Variants in DENND4C observed in about 807,000 individuals in gnomAD.
DENND4C encodes DENN domain-containing protein 4C.
Under a neutral mutation model 203.0 loss-of-function variants are expected in DENND4C, and 108 were observed. The observed-to-expected ratio is 0.53, with a 90% CI of 0.46 to 0.62. The LOEUF is 0.62. Ranked by LOEUF, DENND4C falls within the 20% of genes least tolerant of loss-of-function variation. The pLI is 0.00. For missense variants in DENND4C, 2,481 were observed against 2,301.2 expected (o/e 1.08, Z -1.60); for synonymous variants, 871 against 792.4 (o/e 1.10, Z -1.67).
chr9:19,258,245 T>C (rs533820273), intron 1 of DENND4C, among the ~76,000 whole-genome samples: 2 of 152,328 alleles, frequency 1.3e-5, no homozygotes, highest in Admixed American at 6.5e-5. Context: ...TCCAGACTCA[T>C]GTAATTTCAC....
chr9:19,303,766 G>A (rs1306634165), intron 9 of DENND4C, among the ~76,000 whole-genome samples: 1 of 152,126 alleles, frequency 6.6e-6, no homozygotes, highest in Non-Finnish European at 1.5e-5. Context: ...GGTGATAATT[G>A]AACTAGACCT....
At chr9:19,310,694 T>C (rs1319692115) in intron 10 of DENND4C, among the ~76,000 whole-genome samples, 1 of 152,250 alleles carries the variant, frequency 6.6e-6, no homozygotes, top group Non-Finnish European at 1.5e-5. Context: ...TTTTGTGATC[T>C]TCTTATAGTT....
chr9:19,345,001 G>C (rs772567963), intron 22 of DENND4C, among the ~76,000 whole-genome samples: 1 of 152,056 alleles, frequency 6.6e-6, no homozygotes, highest in Admixed American at 6.6e-5. Context: ...CCATTCATCA[G>C]GGTTCCACTT....
intron 4 of DENND4C, 89 bp downstream of exon 4, chr9:19,288,754 C>A: frequency 1.6e-6 from 1 of 632,042 alleles, no homozygotes; most frequent in Non-Finnish European, 2.3e-6. Flanking sequence ...TGCTCCCTTA[C>A]ATAGTTTGTA....
rs553054422 is a variant in DENND4C, at chr9:19,287,648, G to GT, written c.558+632dup. 7.7e-3 allele frequency among the ~76,000 whole-genome samples: 1,174 copies of GT among 151,954 alleles called. 7 individuals are homozygous for GT. The highest frequency in any genetic ancestry group is 0.014 in the Non-Finnish European group (960 of 67,950). ...AGGCGTGAGCCACCATGCCCGGCCTGTTTTTGTTTTTGAGACAGGGTCTCC... is the reference window on the plus strand; with the variant it reads ...AGGCGTGAGCCACCATGCCCGGCCTGTTTTTTGTTTTTGAGACAGGGTCTCC... On this transcript the variant is annotated intron_variant, in intron 3 of 32. Transcript: ENST00000434457.
intron 12 of DENND4C, among the ~76,000 whole-genome samples, chr9:19,321,781 G>A (rs1419573620): frequency 4.1e-5 from 6 of 147,498 alleles, no homozygotes; most frequent in Admixed American, 6.9e-5. Flanking sequence ...GTAGTGAGCC[G>A]AGATCACGCC....
intron 1 of DENND4C, among the ~76,000 whole-genome samples, chr9:19,265,964 T>G (rs1588784001): frequency 6.6e-6 from 1 of 152,342 alleles, no homozygotes; most frequent in Admixed American, 6.5e-5. Flanking sequence ...CCTTTGGGTA[T>G]ATACCCAGTA....
chr9:19,354,523 G>A (rs1208146826), intron 26 of DENND4C, among the ~76,000 whole-genome samples: 3 of 142,796 alleles, frequency 2.1e-5, no homozygotes, highest in Non-Finnish European at 4.6e-5. Context: ...AAATTTGAGT[G>A]TCTCTTCATT....
intron 10 of DENND4C, among the ~76,000 whole-genome samples, chr9:19,315,605 A>G (rs1416410735): frequency 1.3e-5 from 2 of 151,096 alleles, no homozygotes; most frequent in East Asian, 1.9e-4. Flanking sequence ...GTGTGTATAT[A>G]TATACACACA....
At position 19,290,764 on chromosome 9, in the gene DENND4C, T is replaced by C; in HGVS notation, c.689T>C (p.Val230Ala). 6.2e-7 allele frequency: 1 copy of C among 1,602,192 alleles called. No homozygotes were observed. Among genetic ancestry groups the C allele is most frequent in the Non-Finnish European group, 8.5e-7 (1 of 1,173,662 alleles). Residue 230 changes from valine to alanine, a missense_variant, in exon 5 of 33, where the codon GTA becomes GCA. Around this residue, in one of 3 missense-constraint regions of DENND4C, gnomAD observed 2,289 missense variants for 2,113.3 expected, o/e 1.08. Transcript: ENST00000434457. Reference sequence around the variant, plus strand: ...TCATTTCCACTCTCAGAATCAGATGTACCTCTTTTCTGCCTTCCTATGGGA... The same window carrying C: ...TCATTTCCACTCTCAGAATCAGATGCACCTCTTTTCTGCCTTCCTATGGGA... ...YESFPLSESD[V>A]PLFCLPMGAT...
At chr9:19,238,840 A>G (rs1011228389) in intron 1 of DENND4C, among the ~76,000 whole-genome samples, 1 of 149,268 alleles carries the variant, frequency 6.7e-6, no homozygotes, top group Non-Finnish European at 1.5e-5. Flanking sequence ...TTTAGTGGAG[A>G]TGGGGTTTCA....
At chr9:19,269,481 T>C (rs1344254932) in intron 1 of DENND4C, among the ~76,000 whole-genome samples, 2 of 152,184 alleles carry the variant, frequency 1.3e-5, no homozygotes, top group African/African-American at 2.4e-5. Context: ...TTTCAAATAG[T>C]GTGTCTTCAA....
At chr9:19,304,189 A>ATT (rs34462752) in intron 9 of DENND4C, among the ~76,000 whole-genome samples, 33,378 of 142,212 alleles carry the variant, frequency 0.23, 4,075 homozygotes, top group East Asian at 0.4. Flanking sequence ...TTTTATATTG[A>ATT]TTTTTTTTTT....
At chr9:19,363,758 C>A (rs1466016411) in intron 30 of DENND4C, among the ~76,000 whole-genome samples, 1 of 152,022 alleles carries the variant, frequency 6.6e-6, no homozygotes, top group Non-Finnish European at 1.5e-5. Context: ...TGCCTGTAAT[C>A]CCAGCACTTT....
At chr9:19,292,774 G>A (rs1478756074) in intron 5 of DENND4C, among the ~76,000 whole-genome samples, 2 of 152,056 alleles carry the variant, frequency 1.3e-5, no homozygotes, top group Non-Finnish European at 2.9e-5. Flanking sequence ...TCGAACTCCT[G>A]ACCTCAGGTG....
At chr9:19,293,797 C>T (rs1380065167) in intron 5 of DENND4C, among the ~76,000 whole-genome samples, 1 of 152,156 alleles carries the variant, frequency 6.6e-6, no homozygotes, top group African/African-American at 2.4e-5. Context: ...GGCATTTTAC[C>T]TGTAATGGGG....
chr9:19,333,052 G>A (rs148733456), intron 17 of DENND4C, among the ~76,000 whole-genome samples: 35 of 150,694 alleles, frequency 2.3e-4, no homozygotes, highest in African/African-American at 7.0e-4. Flanking sequence ...ATATATACTC[G>A]TGCCCAAGCT....
At position 19,328,284 on chromosome 9, in the gene DENND4C, T is replaced by C. The variant is rs73645599; in HGVS notation, c.2253+122T>C. 2.6e-3 allele frequency: 2,769 copies of C among 1,048,604 alleles called. 47 individuals carry two copies. In the African/African-American group the frequency reaches 0.038, roughly 14 times the overall value. 65.0% of individuals were successfully genotyped at this position (1,048,604 alleles called of 1,614,324 possible). On this transcript the variant is annotated intron_variant, in intron 16 of 32. Transcript: ENST00000434457. ...ATTTGAAGACTCACTTTGGTTGTTA[T>C]TGAATTTAACTAGATTTCTTGCAAG... is the stretch of plus-strand genomic sequence containing the variant.
At chr9:19,257,968 A>G (rs1375452289) in intron 1 of DENND4C, among the ~76,000 whole-genome samples, 2 of 152,032 alleles carry the variant, frequency 1.3e-5, no homozygotes, top group Non-Finnish European at 2.9e-5. Flanking sequence ...AGAAAAATAA[A>G]TTAACTGGAT....
Sources: gnomAD v4.1 joint callset for allele counts (sites outside exome capture counted in the v4.1 genomes callset) on GRCh38, gnomAD v4.1.1 for gene constraint, gnomAD v4.1.1 regional missense constraint, MANE v1.5 for transcripts, NCBI Gene and HGNC (gene_info 2026-07-23, HGNC 2026-07-21) for gene names.